Variants in TRIM29 observed in about 807,000 individuals in gnomAD.
TRIM29 encodes the protein tripartite motif containing 29, also known as tripartite motif-containing protein 29.
In TRIM29, 52 loss-of-function variants were observed where a neutral mutation model predicts 57.3. The ratio of observed to expected loss-of-function variants is 0.91; its 90% confidence interval spans 0.73 to 1.14. The LOEUF (loss-of-function observed/expected upper bound fraction) is 1.14. Among genes scored for constraint, TRIM29 ranks in the 50% most tolerant of loss-of-function variants. TRIM29 has a pLI of 0.00. For missense variants in TRIM29, 753 were observed against 774.6 expected, an observed-to-expected ratio of 0.97 and a Z score of 0.33; for synonymous variants, 319 against 316.9, an observed-to-expected ratio of 1.01 and a Z score of -0.07.
rs61753082 is a variant in TRIM29 at position 120,125,782 on chromosome 11, G to A, written c.1242C>T (p.Asp414=). ...GGCGCATGCATACATTGAGCAGGTC[G>A]TCCTTGAAGTTGCCTAGTGACTGTC... ...GLGQSLGNFK[D]DLLNVCMRHV... Residue 414 remains aspartate (D), a synonymous_variant, in exon 4 of 9, where the codon GAC becomes GAT. Coordinates refer to ENST00000341846, the MANE Select transcript of TRIM29 (RefSeq NM_012101.4). 3.9e-3 allele frequency: 6,271 copies of A among 1,614,144 alleles called. 210 individuals carry two copies. The African/African-American group carries it at 0.071, about 18-fold the overall frequency.
In TRIM29 at chr11:120,134,567, T is replaced by C. The variant is rs377583078; in HGVS notation, c.804+2661A>G. The stretch of plus-strand genomic sequence containing the variant: ...AGCAGAGCCAGGCCGAGACAGCCCG[T>C]GTGCCCAGCTCAGTCTCCTGGCTTC... On this transcript the variant is annotated intron_variant, in intron 1 of 8. Transcript: ENST00000341846. Among the ~76,000 whole-genome samples, 6 of 152,184 alleles carry C rather than the reference T, an allele frequency of 3.9e-5. No homozygotes were observed. The East Asian group carries it at 1.2e-3, about 29-fold the overall frequency.
In TRIM29 at chr11:120,128,302, A is replaced by T. The variant is rs181178885; in HGVS notation, c.900+98T>A. The T allele has an allele frequency of 2.2e-3, 2,163 of 964,502 alleles. 5 individuals are homozygous for T. Among genetic ancestry groups the T allele is most frequent in the Non-Finnish European group, 3.0e-3 (1,902 of 627,650 alleles). The allele number at this position is 964,502 out of a possible 1,614,324, so 59.7% of individuals were successfully genotyped here. A position where few individuals can be genotyped will look rare whatever the true frequency, so the allele number is the denominator to read the frequency against. On this transcript the variant is annotated intron_variant, in intron 2 of 8. Transcript: ENST00000341846. ...CCAGAAGAAACATATTGGGATGTCT[A>T]CGTGGGCCTGGGACTCAAATGGGAG...
chr11:120,113,616 C>T (rs1161750886), intron 8 of TRIM29: 1 of 456,234 alleles, frequency 2.2e-6, no homozygotes, highest in Non-Finnish European at 4.4e-6. Flanking sequence ...GTGTGGTCCA[C>T]AGCAGGACTT....
intron 7 of TRIM29, chr11:120,118,017 C>T (rs553382337): frequency 1.2e-5 from 7 of 588,644 alleles, no homozygotes; most frequent in East Asian, 8.7e-5. Flanking sequence ...TGAAACAAGC[C>T]CTGGGAAACG....
rs555854858 is a variant in TRIM29, at chr11:120,128,959, G to A, written c.805-464C>T. 940 of 1,319,320 alleles carry A rather than the reference G, an allele frequency of 7.1e-4. 9 individuals carry two copies. In the African/African-American group the frequency reaches 0.013, roughly 18 times the overall value. 81.7% of individuals were successfully genotyped at this position (1,319,320 alleles called of 1,614,324 possible). On this transcript the variant is annotated intron_variant, in intron 1 of 8. Coordinates refer to ENST00000341846, the MANE Select transcript of TRIM29 (RefSeq NM_012101.4). ...CGTTTCTATGGCATGACGTAGGGCT[G>A]TGTTGCAAGCAGCAGCCAGGGTTGC... is the stretch of plus-strand genomic sequence containing the variant.
At chr11:120,131,567 G>A (rs562649646) in intron 1 of TRIM29, among the ~76,000 whole-genome samples, 1 of 152,106 alleles carries the variant, frequency 6.6e-6, no homozygotes, top group African/African-American at 2.4e-5. Flanking sequence ...TAGGACACAG[G>A]CTGGGAAGGG....
chr11:120,127,511 T>A lies in TRIM29; in HGVS notation c.959A>T (p.Asp320Val). 2 of 1,614,192 alleles carry A rather than the reference T, an allele frequency of 1.2e-6. No individual in the cohort carries two copies. Among genetic ancestry groups the A allele is most frequent in the Non-Finnish European group, 8.5e-7 (1 of 1,180,036 alleles). Residue 320 changes from aspartate (D) to valine (V), a missense_variant, in exon 3 of 9, where the codon GAC (aspartate) becomes GTC (valine). Physicochemically the swap from Asp to Val is radical, Grantham distance 152 (BLOSUM62 -3). Transcript: ENST00000341846. ...LEQNFRDLVR[D>V]LEKQKEEVRA... is the part of the protein sequence containing the mutation. Reference sequence around the variant, plus strand: ...CACTTCCTCCTTTTGCTTCTCCAGGTCCCGCACCAGGTCCCGGAAGTTCTG... The same window carrying A: ...CACTTCCTCCTTTTGCTTCTCCAGGACCCGCACCAGGTCCCGGAAGTTCTG...
chr11:120,120,970 A>C, intron 5 of TRIM29: 1 of 440,058 alleles, frequency 2.3e-6, no homozygotes, highest in Non-Finnish European at 4.3e-6. Flanking sequence ...GAAGTGGCCT[A>C]ATGAGCCAGA....
In TRIM29 at chr11:120,137,386, G is replaced by T; in HGVS notation, c.646C>A (p.Pro216Thr). 6.2e-7 allele frequency: 1 copy of T among 1,612,996 alleles called. No individual in the cohort carries two copies. ...TTGCGGGCCTCAAAGTCCCGGATGGGCTCGAGCAGCTGGTGGTCTCGGAAG... is the reference window on the plus strand; with the variant it reads ...TTGCGGGCCTCAAAGTCCCGGATGGTCTCGAGCAGCTGGTGGTCTCGGAAG... ...AAFRDHQLLEPIRDFEARKCP... is the reference protein window; with the variant it reads ...AAFRDHQLLETIRDFEARKCP... Residue 216 changes from proline to threonine, a missense_variant, in exon 1 of 9, where the codon CCC becomes ACC. Coordinates refer to ENST00000341846, the MANE Select transcript of TRIM29 (RefSeq NM_012101.4). This position sits in a 1 kb window ranked among gnomAD's most constrained non-coding sequence, Gnocchi z 6.2.
intron 1 of TRIM29, among the ~76,000 whole-genome samples, chr11:120,131,017 C>A (rs1032852008): frequency 2.0e-5 from 3 of 152,128 alleles, no homozygotes; most frequent in African/African-American, 7.2e-5. Flanking sequence ...GGAAGCGTAG[C>A]TCATGGATAA....
At chr11:120,113,240 G>GGA (rs1863180663) in intron 8 of TRIM29, among the ~76,000 whole-genome samples, 2 of 152,138 alleles carry the variant, frequency 1.3e-5, no homozygotes, top group Non-Finnish European at 2.9e-5. Context: ...GAGCATCTCT[G>GGA]GAGAGAGAGC....
chr11:120,127,568 C>T lies in TRIM29; in HGVS notation c.902G>A (p.Ser301Asn). ...GATGGCCTTCTCATTGGTGGTGAAG[C>T]TCTGGAGGTCCAGAGTCAGGGAAGA... Reference protein sequence around the residue: ...KWQKEKDRIKSFTTNEKAILE... With the variant: ...KWQKEKDRIKNFTTNEKAILE... The change falls in exon 3 of 9, where the codon AGC becomes AAC. Residue 301 changes from serine (S) to asparagine (N), a missense_variant and splice_region_variant. Physicochemically the swap from Ser to Asn is conservative, Grantham distance 46. Transcript: ENST00000341846. 1 of 1,613,326 alleles carries T rather than the reference C, an allele frequency of 6.2e-7. No homozygotes were observed. Among genetic ancestry groups the T allele is most frequent in the Non-Finnish European group, 8.5e-7 (1 of 1,179,540 alleles).
At chr11:120,124,268 G>A (rs1245851986) in intron 4 of TRIM29, 1 of 152,610 alleles carries the variant, frequency 6.6e-6, no homozygotes, top group Admixed American at 6.5e-5. Context: ...GTTTCTGCAA[G>A]GCTCACCCCA....
chr11:120,117,806 A>C, intron 7 of TRIM29: 1 of 204,420 alleles, frequency 4.9e-6, no homozygotes, highest in Non-Finnish European at 1.0e-5. Flanking sequence ...CGCCTGCAGG[A>C]TTGGATCTGC....
chr11:120,133,691 G>T (rs973987778), intron 1 of TRIM29, among the ~76,000 whole-genome samples: 1 of 152,214 alleles, frequency 6.6e-6, no homozygotes, highest in African/African-American at 2.4e-5. Context: ...GCAGACCAGC[G>T]CTGCTCAGAA....
chr11:120,137,438 A>T lies in TRIM29; in HGVS notation c.594T>A (p.His198Gln). 1 of 1,607,668 alleles carries T rather than the reference A, an allele frequency of 6.2e-7. No individual in the cohort carries two copies. Among genetic ancestry groups the T allele is most frequent in the Non-Finnish European group, 8.5e-7 (1 of 1,179,956 alleles). ...LVCQASFCEL[H>Q]LKPHLEGAAF... ...CGGCGCCCTCCAGGTGGGGCTTGAG[A>T]TGCAGCTCGCAGAAGGAGGCCTGGC... Residue 198 changes from histidine (H) to glutamine (Q), a missense_variant, in exon 1 of 9, where the codon CAT becomes CAA. By Grantham distance (24) the His-to-Gln change is conservative (BLOSUM62 0). Transcript: ENST00000341846. The surrounding 1 kb of genome is among the most constrained non-coding windows in gnomAD (Gnocchi z 6.2).
rs1319632913 is a variant in TRIM29, at chr11:120,112,338, A to G, written c.*76T>C. ...GGCTCCCTCCCACCCAGACAAGCAC[A>G]GTAGCTTAGAAGGCAAGAGCAGCAG... On this transcript the variant is annotated 3_prime_UTR_variant, in exon 9 of 9. Coordinates refer to ENST00000341846, the MANE Select transcript of TRIM29 (RefSeq NM_012101.4). 1 of 1,569,876 alleles carries G rather than the reference A, an allele frequency of 6.4e-7. No homozygotes were observed. Among genetic ancestry groups the G allele is most frequent in the East Asian group, 2.3e-5 (1 of 44,294 alleles).
intron 1 of TRIM29, among the ~76,000 whole-genome samples, chr11:120,135,645 A>G (rs1425488753): frequency 6.6e-6 from 1 of 152,166 alleles, no homozygotes; most frequent in East Asian, 1.9e-4. Context: ...AGATGGGGGA[A>G]GCTGGAAACA....
intron 1 of TRIM29, among the ~76,000 whole-genome samples, chr11:120,129,963 TGAG>T (rs1221929723): frequency 6.6e-6 from 1 of 152,088 alleles, no homozygotes; most frequent in African/African-American, 2.4e-5. Context: ...CCTAAGGAGA[TGAG>T]GATGGAGATT....
Sources: allele counts gnomAD v4.1 joint callset (sites outside exome capture counted in the v4.1 genomes callset), GRCh38; gene constraint gnomAD v4.1.1; non-coding constraint Gnocchi (gnomAD v3.1); transcripts MANE v1.5; gene names NCBI Gene and HGNC (gene_info 2026-07-23, HGNC 2026-07-21).